The following SRGAP2C variants were observed in gnomAD, a reference collection of about 807,000 sequenced individuals.
SRGAP2C encodes SLIT-ROBO Rho GTPase-activating protein 2C.
Under a neutral mutation model 25.1 loss-of-function variants are expected in SRGAP2C, and 15 were observed. The ratio of observed to expected loss-of-function variants is 0.60; its 90% confidence interval spans 0.40 to 0.92. SRGAP2C has a LOEUF of 0.92. Among genes scored for constraint, SRGAP2C ranks in the 40% least tolerant of loss-of-function variants. SRGAP2C has a pLI of 0.00. For missense variants in SRGAP2C, 144 were observed against 264.4 expected (o/e 0.54, Z 3.16); for synonymous variants, 44 against 96.6 (o/e 0.46, Z 3.19).
intron 4 of SRGAP2C, among the ~76,000 whole-genome samples, chr1:121,335,392 C>A (rs1356685461): frequency 1.5e-5 from 2 of 136,826 alleles, no homozygotes; most frequent in South Asian, 2.3e-4. Flanking sequence ...ATAAATAAAA[C>A]AACCAATTCT....
chr1:121,352,131 AATC>A (rs1553346196), intron 4 of SRGAP2C, among the ~76,000 whole-genome samples: 1 of 7,512 alleles, frequency 1.3e-4, no homozygotes, highest in Non-Finnish European at 2.7e-4. Flanking sequence ...TAATTTAAAA[AATC>A]AAACAAATTT....
At position 121,258,455 on chromosome 1, in the gene SRGAP2C, A is replaced by C. The variant is rs1481369628; in HGVS notation, c.68-26348A>C. Among the ~76,000 whole-genome samples the C allele has an allele frequency of 2.2e-5, 3 of 137,870 alleles. 1 individual carries two copies. Among genetic ancestry groups the C allele is most frequent in the Non-Finnish European group, 4.6e-5 (3 of 65,386 alleles). The allele number at this position is 137,870 out of a possible 152,430, so 90.4% of individuals were successfully genotyped here. On this transcript the variant is annotated intron_variant, in intron 2 of 9. Transcript: ENST00000367123. ...TTTTAGGATACATCCCCAAATGGTC[A>C]TCTATCACTCTTTTTTTTTTTTTTT...
At chr1:121,282,721 ATT>A (rs1216453747) in intron 2 of SRGAP2C, among the ~76,000 whole-genome samples, 9 of 137,222 alleles carry the variant, frequency 6.6e-5, no homozygotes, top group Admixed American at 3.7e-4. Context: ...TGCCTGGCTA[ATT>A]TTTTTTTTGT....
intron 2 of SRGAP2C, among the ~76,000 whole-genome samples, chr1:121,255,131 AG>A (rs1553332152): frequency 6.6e-6 from 1 of 151,492 alleles, no homozygotes; most frequent in African/African-American, 2.4e-5. Context: ...AGTGTCAGAG[AG>A]GTCTGATATC....
intron 2 of SRGAP2C, among the ~76,000 whole-genome samples, chr1:121,207,974 G>A (rs1452239066): frequency 6.6e-6 from 1 of 151,916 alleles, no homozygotes; most frequent in Non-Finnish European, 1.5e-5. Context: ...ACCAGTGGTA[G>A]CTCTGACCCT....
intron 2 of SRGAP2C, among the ~76,000 whole-genome samples, chr1:121,233,138 C>G (rs1294505079): frequency 1.4e-5 from 2 of 139,314 alleles, no homozygotes; most frequent in Non-Finnish European, 3.1e-5. Context: ...GGATCTCCCC[C>G]TTGGTTCTTT....
intron 2 of SRGAP2C, among the ~76,000 whole-genome samples, chr1:121,207,302 G>A (rs1241130229): frequency 1.3e-5 from 2 of 151,856 alleles, no homozygotes; most frequent in Non-Finnish European, 2.9e-5. Context: ...AAAGAGCACA[G>A]CTAAACAAGG....
At chr1:121,317,222 T>C (rs1280745299) in intron 3 of SRGAP2C, among the ~76,000 whole-genome samples, 3 of 87,230 alleles carry the variant, frequency 3.4e-5, no homozygotes, top group Admixed American at 2.4e-4. Context: ...GAATAGTGGC[T>C]AGCCCATAAT....
At chr1:121,313,811 G>A (rs1190788803) in intron 3 of SRGAP2C, among the ~76,000 whole-genome samples, 24 of 131,304 alleles carry the variant, frequency 1.8e-4, no homozygotes, top group Non-Finnish European at 3.0e-4. Context: ...AGTCTGATGG[G>A]CTTCCCTTTG....
At chr1:121,345,579 T>G (rs2101627613) in intron 4 of SRGAP2C, among the ~76,000 whole-genome samples, 1 of 151,926 alleles carries the variant, frequency 6.6e-6, no homozygotes, top group South Asian at 2.1e-4. Flanking sequence ...CTGGAAAAAT[T>G]CTGAAATGGG....
intron 3 of SRGAP2C, among the ~76,000 whole-genome samples, chr1:121,309,304 T>A (rs1277246468): frequency 4.3e-5 from 6 of 138,942 alleles, no homozygotes; most frequent in Middle Eastern, 7.0e-3. Flanking sequence ...TTTATTTTTT[T>A]AAAAGATAAA....
chr1:121,385,680 G>A (rs1659944306), intron 8 of SRGAP2C, among the ~76,000 whole-genome samples: 1 of 152,164 alleles, frequency 6.6e-6, no homozygotes, highest in Non-Finnish European at 1.5e-5. Flanking sequence ...GAGGCTAAAG[G>A]ACGAACGGTA....
chr1:121,262,462 T>C, intron 2 of SRGAP2C, among the ~76,000 whole-genome samples: 1 of 52,972 alleles, frequency 1.9e-5, no homozygotes, highest in African/African-American at 8.8e-5. Flanking sequence ...ACTGTGAGCC[T>C]TAGCTGACCC....
chr1:121,361,702 A>G (rs1185389462), intron 4 of SRGAP2C: 1 of 152,076 alleles, frequency 6.6e-6, no homozygotes, highest in African/African-American at 2.4e-5. Flanking sequence ...TGAGCACACC[A>G]TCACACTTCC....
At chr1:121,304,885 C>T (rs1373181534) in intron 3 of SRGAP2C, among the ~76,000 whole-genome samples, 4 of 151,808 alleles carry the variant, frequency 2.6e-5, no homozygotes, top group African/African-American at 7.3e-5. Flanking sequence ...ATGTTTTCCT[C>T]TCCGGAATGG....
At chr1:121,329,550 G>A (rs1553342041) in intron 4 of SRGAP2C, among the ~76,000 whole-genome samples, 60 of 142,226 alleles carry the variant, frequency 4.2e-4, no homozygotes, top group African/African-American at 1.6e-3. Flanking sequence ...CTCCTCAGGG[G>A]CAAAATATCT....
chr1:121,385,472 C>T (rs1199641501), intron 8 of SRGAP2C, among the ~76,000 whole-genome samples: 1 of 119,632 alleles, frequency 8.4e-6, no homozygotes, highest in Non-Finnish European at 1.7e-5. Flanking sequence ...CTCAGGCCAG[C>T]CTCTCAGCTG....
intron 2 of SRGAP2C, among the ~76,000 whole-genome samples, chr1:121,238,803 T>TG (rs1394967750): frequency 1.4e-5 from 2 of 140,592 alleles, no homozygotes; most frequent in African/African-American, 5.4e-5. Flanking sequence ...TTTTTTGAGA[T>TG]GGGGTCTCAC....
At chr1:121,221,390 T>C (rs1261043986) in intron 2 of SRGAP2C, among the ~76,000 whole-genome samples, 1 of 76,932 alleles carries the variant, frequency 1.3e-5, no homozygotes, top group Non-Finnish European at 2.5e-5. Flanking sequence ...TCTGGGTCTT[T>C]TTTGGATTAC....
Sources: allele counts gnomAD v4.1 joint callset (sites outside exome capture counted in the v4.1 genomes callset), GRCh38; gene constraint gnomAD v4.1.1; transcripts MANE v1.5; gene names NCBI Gene and HGNC (gene_info 2026-07-23, HGNC 2026-07-21).